LDAH: variants seen among roughly 807,000 people sequenced by gnomAD.
The protein encoded by LDAH is lipid droplet associated hydrolase.
A neutral mutation model predicts 29.6 loss-of-function variants in LDAH; 26 were observed. That is an observed-to-expected ratio of 0.88 (90% CI 0.64 to 1.22). LDAH has a LOEUF of 1.22. Among genes scored for constraint, LDAH ranks in the 50% most tolerant of loss-of-function variants. The pLI is 0.00. For synonymous variants in LDAH, 117 were observed against 133.0 expected, an observed-to-expected ratio of 0.88 and a Z score of 0.83; for missense variants, 344 against 387.3, an observed-to-expected ratio of 0.89 and a Z score of 0.94.
intron 5 of LDAH, among the ~76,000 whole-genome samples, chr2:20,734,437 T>G (rs1396351832): frequency 2.0e-5 from 3 of 152,180 alleles, no homozygotes; most frequent in Non-Finnish European, 2.9e-5. Flanking sequence ...TTTGAGTATC[T>G]CTTTTGAATA....
chr2:20,795,563 T>C (rs765620190), intron 2 of LDAH, among the ~76,000 whole-genome samples: 1 of 152,144 alleles, frequency 6.6e-6, no homozygotes, highest in Non-Finnish European at 1.5e-5. Context: ...AGGACAATGT[T>C]ACTTTACAGA....
At chr2:20,765,365 T>G (rs1668959246) in intron 4 of LDAH, among the ~76,000 whole-genome samples, 1 of 152,306 alleles carries the variant, frequency 6.6e-6, no homozygotes, top group East Asian at 1.9e-4. Context: ...CCTAACTTCC[T>G]GCAACCCCCT....
intron 5 of LDAH, among the ~76,000 whole-genome samples, chr2:20,730,686 G>A (rs963291838): frequency 1.3e-4 from 20 of 152,102 alleles, no homozygotes; most frequent in African/African-American, 4.6e-4. Context: ...TACAGTTTAG[G>A]TTGAGGTTCA....
chr2:20,785,754 C>G (rs888124391), intron 3 of LDAH, among the ~76,000 whole-genome samples: 1 of 152,168 alleles, frequency 6.6e-6, no homozygotes, highest in African/African-American at 2.4e-5. Context: ...TTCTATTAAC[C>G]TATTTTTCCA....
rs377328624 is a variant in LDAH at position 20,801,293 on chromosome 2, C to T, written c.154+17G>A. On this transcript the variant is annotated intron_variant, in intron 2 of 6. Transcript: ENST00000237822. ...AGTATCTACAAAAAGTCTCCTCACC[C>T]AGACTTTTACGCTCACCAGGAATAA... 24 of 1,604,610 alleles carry T rather than the reference C, an allele frequency of 1.5e-5. No individual in the cohort carries two copies. The highest frequency in any genetic ancestry group is 2.7e-5 in the African/African-American group (2 of 74,300).
intron 5 of LDAH, among the ~76,000 whole-genome samples, chr2:20,710,302 A>C (rs10445846): frequency 0.24 from 36,757 of 151,898 alleles, 4,939 homozygotes; most frequent in East Asian, 0.36. Flanking sequence ...ATTTTGTGAA[A>C]AACTTTATGT....
At chr2:20,723,987 T>C (rs972957974) in intron 5 of LDAH, among the ~76,000 whole-genome samples, 1 of 152,256 alleles carries the variant, frequency 6.6e-6, no homozygotes, top group Non-Finnish European at 1.5e-5. Flanking sequence ...ATTTGCTTAA[T>C]GTCCAAAAAT....
Position 20,772,646 on chromosome 2 carries a change from C to T in LDAH, c.468+2164G>A, listed in dbSNP as rs73243138. 6.0e-3 allele frequency among the ~76,000 whole-genome samples: 909 copies of T among 152,274 alleles called. 10 individuals are homozygous for T. The highest frequency in any genetic ancestry group is 0.02 in the African/African-American group (830 of 41,566). On this transcript the variant is annotated intron_variant, in intron 4 of 6. Transcript: ENST00000237822. The stretch of plus-strand genomic sequence containing the variant: ...TTGATTCTAACAAGAATACAGGAAA[C>T]GTGATGGGATGTCACTTTGTAACTG...
intron 6 of LDAH, among the ~76,000 whole-genome samples, chr2:20,689,088 G>A (rs374165908): frequency 7.2e-5 from 11 of 151,758 alleles, no homozygotes; most frequent in African/African-American, 2.7e-4. Context: ...AACATGCCAT[G>A]TCTGGTTTTC....
At chr2:20,691,809 A>G (rs1349143848) in intron 6 of LDAH, among the ~76,000 whole-genome samples, 1 of 152,098 alleles carries the variant, frequency 6.6e-6, no homozygotes, top group African/African-American at 2.4e-5. Flanking sequence ...CTAGATTTTG[A>G]TTCTCCAGAA....
In LDAH at chr2:20,718,608, C is replaced by T. The variant is rs1490191273; in HGVS notation, c.704-16956G>A. 2.0e-5 allele frequency among the ~76,000 whole-genome samples: 3 copies of T among 152,190 alleles called. No homozygotes were observed. The East Asian group carries it at 5.8e-4, about 29-fold the overall frequency. On this transcript the variant is annotated intron_variant, in intron 5 of 6. Transcript: ENST00000237822. ...TTGCTTTTGGCAATAGATAGATTAT[C>T]CAGGCAGAAAATTAACAAAGAAACA...
At chr2:20,741,171 T>G (rs997957191) in intron 4 of LDAH, among the ~76,000 whole-genome samples, 3 of 152,190 alleles carry the variant, frequency 2.0e-5, no homozygotes, top group Non-Finnish European at 4.4e-5. Context: ...TTTGGATTAG[T>G]CTTTTATCAG....
chr2:20,773,054 T>C (rs1003751179), intron 4 of LDAH, among the ~76,000 whole-genome samples: 1 of 152,176 alleles, frequency 6.6e-6, no homozygotes, highest in African/African-American at 2.4e-5. Context: ...TTGGGGCAAT[T>C]TGATACACAG....
Position 20,744,572 on chromosome 2 carries a change from A to G in LDAH, c.469-4367T>C, listed in dbSNP as rs147732758. Among the ~76,000 whole-genome samples, 219 of 152,274 alleles carry G rather than the reference A, an allele frequency of 1.4e-3. 1 individual carries two copies. The highest frequency in any genetic ancestry group is 3.9e-3 in the African/African-American group (162 of 41,544). On this transcript the variant is annotated intron_variant, in intron 4 of 6. Transcript: ENST00000237822. ...TTTCCCTTCCCTTGGGTCAGGCTCT[A>G]ATAATACCCCAGCAGGTTAGGATTT...
At chr2:20,755,328 C>T (rs1035533418) in intron 4 of LDAH, among the ~76,000 whole-genome samples, 11 of 152,168 alleles carry the variant, frequency 7.2e-5, no homozygotes, top group Non-Finnish European at 1.5e-4. Context: ...TCCACCACTG[C>T]CCTCTATCCC....
At chr2:20,817,976 G>T (rs966371004) in intron 1 of LDAH, among the ~76,000 whole-genome samples, 1 of 152,142 alleles carries the variant, frequency 6.6e-6, no homozygotes, top group African/African-American at 2.4e-5. Flanking sequence ...GGACAAGATA[G>T]ACTGACTATA....
rs3047719 is a variant in LDAH, at chr2:20,744,223, A to AT, written c.469-4019dup. On this transcript the variant is annotated intron_variant, in intron 4 of 6. Coordinates refer to ENST00000237822, the MANE Select transcript of LDAH (RefSeq NM_021925.4). ...CTGAAGCTTGCTCTATTCTCCTCAG[A>AT]TTTTTTTTTTTTTTTTTTTGCCTTT... Among the ~76,000 whole-genome samples the AT allele has an allele frequency of 5.6e-3, 736 of 131,192 alleles. 5 individuals are homozygous for AT. The highest frequency in any genetic ancestry group is 0.013 in the Middle Eastern group (3 of 236). 86.1% of individuals were successfully genotyped at this position (131,192 alleles called of 152,430 possible).
intron 5 of LDAH, among the ~76,000 whole-genome samples, chr2:20,732,461 TA>T (rs1666475240): frequency 6.6e-6 from 1 of 152,152 alleles, no homozygotes; most frequent in Non-Finnish European, 1.5e-5. Context: ...AGAATTGTGT[TA>T]GTATTTCTTT....
At chr2:20,788,640 A>T (rs185864538) in intron 3 of LDAH, among the ~76,000 whole-genome samples, 23 of 152,274 alleles carry the variant, frequency 1.5e-4, no homozygotes, top group Non-Finnish European at 2.6e-4. Context: ...TCATACCACT[A>T]GAGAGACGTA....
Sources: gnomAD v4.1 joint callset for allele counts (sites outside exome capture counted in the v4.1 genomes callset) on GRCh38, gnomAD v4.1.1 for gene constraint, MANE v1.5 for transcripts, NCBI Gene and HGNC (gene_info 2026-07-23, HGNC 2026-07-21) for gene names.